The following MLKL variants were observed in gnomAD, a reference collection of about 807,000 sequenced individuals.
MLKL encodes the protein mixed lineage kinase domain like pseudokinase.
Under a neutral mutation model 56.5 loss-of-function variants are expected in MLKL, and 55 were observed. The observed-to-expected ratio is 0.97, with a 90% CI of 0.78 to 1.22. The LOEUF is 1.22. Ranked by LOEUF, MLKL falls within the 50% of genes most tolerant of loss-of-function variation. The pLI is 0.00. For missense variants in MLKL, 694 were observed against 573.9 expected (o/e 1.21, Z -2.14); for synonymous variants, 251 against 208.3 (o/e 1.20, Z -1.76).
At chr16:74,680,479 T>C (rs369979995) in intron 6 of MLKL, among the ~76,000 whole-genome samples, 1 of 151,714 alleles carries the variant, frequency 6.6e-6, no homozygotes, top group East Asian at 1.9e-4. Context: ...GTTTGGTATT[T>C]TTTTTTTGTT....
chr16:74,687,002 G>A (rs1047886514), intron 4 of MLKL, among the ~76,000 whole-genome samples: 3 of 152,118 alleles, frequency 2.0e-5, no homozygotes, highest in African/African-American at 7.2e-5. Flanking sequence ...TTGAGATGGA[G>A]CCTCACTTTT....
Position 74,692,558 on chromosome 16 carries a change from A to G in MLKL, c.461-142T>C, listed in dbSNP as rs935090588. The G allele has an allele frequency of 1.9e-5, 12 of 639,692 alleles. No homozygotes were observed. The African/African-American group carries it at 2.2e-4, about 12-fold the overall frequency. 39.6% of individuals were successfully genotyped at this position (639,692 alleles called of 1,614,324 possible). A position where few individuals can be genotyped will look rare whatever the true frequency, so the allele number is the denominator to read the frequency against. On this transcript the variant is annotated intron_variant, in intron 2 of 10. Coordinates refer to ENST00000308807, the MANE Select transcript of MLKL (RefSeq NM_152649.4). Reference sequence around the variant, plus strand: ...TGGTAGGGATTACTACTGATCACCAATATTCAGATTTCTACTTCTGAGCAC... The same window carrying G: ...TGGTAGGGATTACTACTGATCACCAGTATTCAGATTTCTACTTCTGAGCAC...
chr16:74,675,007 A>C lies in MLKL; in HGVS notation c.1334T>G (p.Ile445Ser), dbSNP rs764801287. The C allele has an allele frequency of 6.2e-7, 1 of 1,614,160 alleles. No individual in the cohort carries two copies. The highest frequency in any genetic ancestry group is 2.2e-5 in the East Asian group (1 of 44,880). The change falls in exon 10 of 11, where the codon ATT becomes AGT. Residue 445 changes from isoleucine (I) to serine (S), a missense_variant. By Grantham distance (142) the Ile-to-Ser change is moderately radical (BLOSUM62 -2). Transcript: ENST00000308807. The part of the protein sequence containing the change: ...EDCPSELREI[I>S]DECRAHDPSV... ...GGGATCATGGGCCCGGCACTCATCAATGATCTCCCGCAGCTCTGAAGGGCA... is the reference window on the plus strand; with the variant it reads ...GGGATCATGGGCCCGGCACTCATCACTGATCTCCCGCAGCTCTGAAGGGCA...
intron 6 of MLKL, among the ~76,000 whole-genome samples, chr16:74,681,929 G>A (rs1959998797): frequency 6.6e-6 from 1 of 152,128 alleles, no homozygotes; most frequent in African/African-American, 2.4e-5. Flanking sequence ...ATAGGACATA[G>A]TTGTACTAAA....
At chr16:74,674,186 G>C (rs1298243348) in intron 10 of MLKL, among the ~76,000 whole-genome samples, 2 of 134,638 alleles carry the variant, frequency 1.5e-5, no homozygotes, top group Non-Finnish European at 3.1e-5. Context: ...ATGGAGTCTT[G>C]CCCTGTTGTC....
chr16:74,674,563 T>C (rs1432946362), intron 10 of MLKL, among the ~76,000 whole-genome samples: 1 of 152,058 alleles, frequency 6.6e-6, no homozygotes, highest in African/African-American at 2.4e-5. Context: ...GAGATTCTCA[T>C]GCCTCAGCCT....
chr16:74,675,308 G>C, intron 9 of MLKL, 47 bp downstream of exon 9: 1 of 1,613,302 alleles, frequency 6.2e-7, no homozygotes, highest in Non-Finnish European at 8.5e-7. Context: ...TCTACTGGAA[G>C]GGGACCCAAC....
chr16:74,682,855 T>G (rs1828507824), intron 5 of MLKL, 69 bp from the exon 6 acceptor site: 1 of 1,557,724 alleles, frequency 6.4e-7, no homozygotes, highest in African/African-American at 1.4e-5. Context: ...GCAGCCCACC[T>G]CTCCCAGCCT....
At chr16:74,691,230 T>C (rs1349393410) in intron 4 of MLKL, 47 bp downstream of exon 4, 1 of 1,517,840 alleles carries the variant, frequency 6.6e-7, no homozygotes, top group African/African-American at 1.4e-5. Flanking sequence ...CTTGGAGAGT[T>C]AGAGTAAGTA....
intron 4 of MLKL, among the ~76,000 whole-genome samples, chr16:74,688,099 C>T (rs1251579336): frequency 1.3e-5 from 2 of 152,136 alleles, no homozygotes; most frequent in Non-Finnish European, 2.9e-5. Flanking sequence ...GCTAGGATTA[C>T]AGTCGTGAGC....
chr16:74,691,504 T>C (rs1960678029), intron 3 of MLKL, 41 bp from the exon 4 acceptor site: 3 of 1,588,126 alleles, frequency 1.9e-6, no homozygotes, highest in East Asian at 2.2e-5. Context: ...AAAGAGTCAA[T>C]GAGCAGAGGA....
intron 5 of MLKL, among the ~76,000 whole-genome samples, chr16:74,683,848 C>T (rs1960151152): frequency 6.6e-6 from 1 of 152,152 alleles, no homozygotes; most frequent in African/African-American, 2.4e-5. Flanking sequence ...GTCGACTTCC[C>T]CATTCATGGG....
At chr16:74,676,069 C>T (rs1959577192) in intron 7 of MLKL, 2 of 339,936 alleles carry the variant, frequency 5.9e-6, no homozygotes, top group South Asian at 1.0e-4. Flanking sequence ...TAGTTGTTGC[C>T]AGTATGACTA....
Position 74,671,917 on chromosome 16 carries a change from G to C in MLKL, c.*587C>G, listed in dbSNP as rs1400902868. The C allele has an allele frequency of 6.6e-6, 1 of 152,182 alleles. No individual in the cohort carries two copies. Among genetic ancestry groups the C allele is most frequent in the Non-Finnish European group, 1.5e-5 (1 of 68,074 alleles). The allele number at this position is 152,182 out of a possible 1,614,324, so 9.4% of individuals were successfully genotyped here. Reference sequence around the variant, plus strand: ...TTGTGTGAATGGGCAATTTGGGCTGGGATCTGCTTGAGTGGTTCTTCTGGT... The same window carrying C: ...TTGTGTGAATGGGCAATTTGGGCTGCGATCTGCTTGAGTGGTTCTTCTGGT... On this transcript the variant is annotated 3_prime_UTR_variant, in exon 11 of 11. Transcript: ENST00000308807.
chr16:74,685,703 G>A (rs762717171), intron 4 of MLKL, 120 bp from the exon 5 acceptor site: 2 of 733,602 alleles, frequency 2.7e-6, no homozygotes, highest in Non-Finnish European at 4.7e-6. Flanking sequence ...GGTGAGAACT[G>A]GTGCCAGGAT....
intron 1 of MLKL, among the ~76,000 whole-genome samples, chr16:74,699,989 C>G (rs370842244): frequency 3.8e-4 from 58 of 151,802 alleles, no homozygotes; most frequent in African/African-American, 1.4e-3. Flanking sequence ...TCATATGTTA[C>G]GATGAGAAAA....
intron 7 of MLKL, chr16:74,676,163 C>T (rs919044973): frequency 1.1e-5 from 9 of 819,626 alleles, no homozygotes; most frequent in African/African-American, 1.9e-5. Flanking sequence ...CTGCCTGGCT[C>T]GCCTTTTCCC....
intron 1 of MLKL, among the ~76,000 whole-genome samples, chr16:74,698,283 G>T (rs566532171): frequency 1.3e-5 from 2 of 151,834 alleles, no homozygotes; most frequent in Non-Finnish European, 2.9e-5. Flanking sequence ...TAACAGCTCA[G>T]TGAAATAGGT....
chr16:74,675,486 T>C, intron 8 of MLKL, 82 bp from the exon 9 acceptor site: 1 of 1,576,048 alleles, frequency 6.3e-7, no homozygotes, highest in Non-Finnish European at 8.6e-7. Context: ...GAAAACTCAG[T>C]GAATTTTTTG....
Sources: gnomAD v4.1 joint callset for allele counts (sites outside exome capture counted in the v4.1 genomes callset) on GRCh38, gnomAD v4.1.1 for gene constraint, MANE v1.5 for transcripts, NCBI Gene and HGNC (gene_info 2026-07-23, HGNC 2026-07-21) for gene names.